ADGRE2: variants seen among roughly 807,000 people sequenced by gnomAD.
The protein encoded by ADGRE2 is CD97 antigen.
Under a neutral mutation model 100.8 loss-of-function variants are expected in ADGRE2, and 83 were observed. That is an observed-to-expected ratio of 0.82 (90% CI 0.69 to 0.99). The LOEUF (loss-of-function observed/expected upper bound fraction) is 0.99, where lower values mean the gene tolerates loss of function less well. Among genes scored for constraint, ADGRE2 ranks in the 50% least tolerant of loss-of-function variants. The probability of loss-of-function intolerance (pLI) is 0.00; values close to 1 mark genes in which losing one functional copy is unlikely to be tolerated. For missense variants in ADGRE2, 814 were observed against 1,035.7 expected, an observed-to-expected ratio of 0.79 and a Z score of 2.94; for synonymous variants, 355 against 413.0, an observed-to-expected ratio of 0.86 and a Z score of 1.70.
At chr19:14,769,554 G>T (rs547737925) in intron 5 of ADGRE2, among the ~76,000 whole-genome samples, 1 of 152,172 alleles carries the variant, frequency 6.6e-6, no homozygotes, top group Non-Finnish European at 1.5e-5. Flanking sequence ...GTCCTGCTCC[G>T]AACTAGCAGG....
intron 11 of ADGRE2, among the ~76,000 whole-genome samples, chr19:14,757,407 CCAA>C (rs564978366): frequency 0.43 from 65,966 of 151,736 alleles, 15,446 homozygotes; most frequent in African/African-American, 0.6. Context: ...TGTAAGGAAT[CCAA>C]ATACCCAAAA....
In ADGRE2 at chr19:14,732,627, C is replaced by T. The variant is rs759239424; in HGVS notation, c.*3609G>A. The T allele has an allele frequency of 2.6e-5, 4 of 152,190 alleles. No individual in the cohort carries two copies. Among genetic ancestry groups the T allele is most frequent in the Non-Finnish European group, 5.9e-5 (4 of 68,042 alleles). 9.4% of individuals were successfully genotyped at this position (152,190 alleles called of 1,614,324 possible). A position where few individuals can be genotyped will look rare whatever the true frequency, so the allele number is the denominator to read the frequency against. ...TCTGTACAGCTAAGAATAGTTTTTA[C>T]ATTTTTCAAATGGGTGAAAACAAAT... On this transcript the variant is annotated 3_prime_UTR_variant, in exon 21 of 21. Coordinates refer to ENST00000315576, the MANE Select transcript of ADGRE2 (RefSeq NM_013447.4).
At chr19:14,727,597 C>T (rs2042642045), downstream of ADGRE2, among the ~76,000 whole-genome samples, 1 of 152,124 alleles carries the variant, frequency 6.6e-6, no homozygotes, top group South Asian at 2.1e-4. Flanking sequence ...CGATTTGCCC[C>T]CATGATCCAA....
At position 14,755,072 on chromosome 19, in the gene ADGRE2, C is replaced by A; in HGVS notation, c.1472G>T (p.Gly491Val). Reference protein sequence around the residue: ...LCVFWEHGQNGCGHWATTGCS... With the variant: ...LCVFWEHGQNVCGHWATTGCS... The stretch of plus-strand genomic sequence containing the variant: ...GCCTGTGGTGGCCCAGTGACCACAT[C>A]CATTCTGGCCATGCTCCCAGAAGAC... Residue 491 changes from glycine (G) to valine (V), a missense_variant, in exon 14 of 21, where the codon GGA (glycine) becomes GTA (valine). By Grantham distance (109) the Gly-to-Val change is moderately radical. This residue lies in a region of ADGRE2 where 569 missense variants were observed against 692.7 expected (regional missense o/e 0.82). Coordinates refer to ENST00000315576, the MANE Select transcript of ADGRE2 (RefSeq NM_013447.4). 1 of 1,613,982 alleles carries A rather than the reference C, an allele frequency of 6.2e-7. No individual in the cohort carries two copies. Among genetic ancestry groups the A allele is most frequent in the Non-Finnish European group, 8.5e-7 (1 of 1,180,016 alleles).
intron 2 of ADGRE2, 52 bp downstream of exon 2, chr19:14,776,674 T>A (rs1247996154): frequency 2.5e-6 from 4 of 1,575,606 alleles, no homozygotes; most frequent in Non-Finnish European, 2.6e-6. Context: ...ATCCAAGGGG[T>A]CCCGCTGGAG....
chr19:14,746,173 G>A, intron 18 of ADGRE2, 59 bp downstream of exon 18: 4 of 1,057,062 alleles, frequency 3.8e-6, no homozygotes, highest in Non-Finnish European at 5.7e-6. Flanking sequence ...TGAGGCACAT[G>A]GCTTGGCTCT....
In ADGRE2 at chr19:14,744,516, C is replaced by T. The variant is rs367722624; in HGVS notation, c.2184-732G>A. Among the ~76,000 whole-genome samples the T allele has an allele frequency of 7.9e-5, 12 of 152,052 alleles. No homozygotes were observed. The East Asian group carries it at 1.4e-3, about 17-fold the overall frequency. ...TGTCACCCAGGCTGGAGTGCAGTGG[C>T]GTGATCTTGGCTCACTGCAACCTCT... On this transcript the variant is annotated intron_variant, in intron 18 of 20. Coordinates refer to ENST00000315576, the MANE Select transcript of ADGRE2 (RefSeq NM_013447.4).
At chr19:14,736,476 G>A (rs546126700) in intron 20 of ADGRE2, among the ~76,000 whole-genome samples, 27 of 151,952 alleles carry the variant, frequency 1.8e-4, no homozygotes, top group African/African-American at 6.0e-4. Flanking sequence ...GGCCAGGCTG[G>A]CCTTGAACTC....
rs775629087 is a variant in ADGRE2, at chr19:14,776,737, A to C, written c.20T>G (p.Leu7Arg). 1 of 1,613,466 alleles carries C rather than the reference A, an allele frequency of 6.2e-7. No homozygotes were observed. The highest frequency in any genetic ancestry group is 8.5e-7 in the Non-Finnish European group (1 of 1,179,754). MGGRVF[L>R]VFLAFCVWLT... ...CCCAAAGTACTTACCGAGAAAGACG[A>C]GAAAGACGCGGCCTCCCATGGTTCC... is the stretch of plus-strand genomic sequence containing the variant. Residue 7 changes from leucine to arginine, a missense_variant, in exon 2 of 21, where the codon CTC (leucine) becomes CGC (arginine). Physicochemically the swap from Leu to Arg is moderately radical, Grantham distance 102. This residue lies in a region of ADGRE2 where 143 missense variants were observed against 160.3 expected (regional missense o/e 0.89). Coordinates refer to ENST00000315576, the MANE Select transcript of ADGRE2 (RefSeq NM_013447.4).
chr19:14,744,216 C>T (rs1163980853), intron 18 of ADGRE2, among the ~76,000 whole-genome samples: 1 of 150,218 alleles, frequency 6.7e-6, no homozygotes, highest in Non-Finnish European at 1.5e-5. Context: ...TGCACTCCAG[C>T]CTGGGAGTGA....
intron 16 of ADGRE2, 26 bp downstream of exon 16, chr19:14,751,410 T>A: frequency 6.4e-7 from 1 of 1,550,582 alleles, no homozygotes. Flanking sequence ...CCGGAGAAGA[T>A]AAGGATTGTG....
Position 14,746,036 on chromosome 19 carries a change from A to G in ADGRE2, c.2183+196T>C, listed in dbSNP as rs114135948. 8.0e-3 allele frequency among the ~76,000 whole-genome samples: 1,220 copies of G among 152,282 alleles called. 8 individuals are homozygous for G. The highest frequency in any genetic ancestry group is 0.026 in the African/African-American group (1,093 of 41,552). The stretch of plus-strand genomic sequence containing the variant: ...ATTCACAAACTGAGATTAGACATGG[A>G]CAAAACATGTTGCATGGGGTCTCAA... On this transcript the variant is annotated intron_variant, in intron 18 of 20. Transcript: ENST00000315576.
In ADGRE2 at chr19:14,734,005, A is replaced by G. The variant is rs2042706382; in HGVS notation, c.*2231T>C. On this transcript the variant is annotated 3_prime_UTR_variant, in exon 21 of 21. Coordinates refer to ENST00000315576, the MANE Select transcript of ADGRE2 (RefSeq NM_013447.4). ...TGAAAAATGTGAGTTGCACTGGGAA[A>G]TGTTCCCAGCTGAGTTGACAAAGCA... is the stretch of plus-strand genomic sequence containing the variant. The G allele has an allele frequency of 6.6e-6, 1 of 152,234 alleles. No homozygotes were observed. Among genetic ancestry groups the G allele is most frequent in the South Asian group, 2.1e-4 (1 of 4,822 alleles). The allele number at this position is 152,234 out of a possible 1,614,324, so 9.4% of individuals were successfully genotyped here.
intron 7 of ADGRE2, 178 bp from the exon 8 acceptor site, chr19:14,765,982 G>A (rs937460196): frequency 1.5e-6 from 1 of 677,596 alleles, no homozygotes; most frequent in Non-Finnish European, 2.5e-6. Context: ...AGATGAGCAG[G>A]TTATGAATAT....
At chr19:14,766,600 G>A (rs959219247) in intron 6 of ADGRE2, among the ~76,000 whole-genome samples, 10 of 152,212 alleles carry the variant, frequency 6.6e-5, no homozygotes, top group African/African-American at 2.2e-4. Context: ...TTTATAGGAG[G>A]TGAAACCAAA....
intron 18 of ADGRE2, 85 bp from the exon 19 acceptor site, chr19:14,743,869 C>G (rs1422883391): frequency 8.1e-7 from 1 of 1,232,152 alleles, no homozygotes; most frequent in Non-Finnish European, 1.2e-6. Context: ...GAGTCCCCTG[C>G]CCTCCCCTGT....
chr19:14,731,566 T>C, downstream of ADGRE2: 3 of 201,856 alleles, frequency 1.5e-5, 1 homozygote, highest in South Asian at 4.0e-4. Context: ...TCTTCAAACG[T>C]GTACCCTAGC....
intron 14 of ADGRE2, among the ~76,000 whole-genome samples, 184 bp from the exon 15 acceptor site, chr19:14,752,710 A>G (rs999967): frequency 0.38 from 58,248 of 151,884 alleles, 12,760 homozygotes; most frequent in African/African-American, 0.59. Flanking sequence ...ATGGGTGGCT[A>G]GGAATACAGG....
chr19:14,742,487 C>G (rs901555556), intron 20 of ADGRE2, among the ~76,000 whole-genome samples: 1 of 152,136 alleles, frequency 6.6e-6, no homozygotes, highest in Non-Finnish European at 1.5e-5. Flanking sequence ...CTGCCTCAGC[C>G]TCCTAAAGTG....
Sources: allele counts gnomAD v4.1 joint callset (sites outside exome capture counted in the v4.1 genomes callset), GRCh38; gene constraint gnomAD v4.1.1; regional missense constraint gnomAD v4.1.1; transcripts MANE v1.5; gene names NCBI Gene and HGNC (gene_info 2026-07-23, HGNC 2026-07-21).